Variants in SLIT3 observed in about 807,000 individuals in gnomAD.
The protein encoded by SLIT3 is slit homolog 3 protein.
In SLIT3, 68 loss-of-function variants were observed where a neutral mutation model predicts 184.0. That is an observed-to-expected ratio of 0.37 (90% CI 0.30 to 0.45). The LOEUF is 0.45. SLIT3 is among the 20% of genes least tolerant of loss of function. The pLI is 1.00. For synonymous variants in SLIT3, 831 were observed against 828.6 expected, an observed-to-expected ratio of 1.00 and a Z score of -0.05; for missense variants, 1,707 against 2,026.0, an observed-to-expected ratio of 0.84 and a Z score of 3.02.
At chr5:169,210,129 C>T (rs949775917) in intron 3 of SLIT3, among the ~76,000 whole-genome samples, 3 of 151,966 alleles carry the variant, frequency 2.0e-5, no homozygotes, top group Admixed American at 2.0e-4. Flanking sequence ...TGGGAGAAAT[C>T]GCTATGGCAG....
At chr5:168,804,328 A>G (rs1320027634) in intron 9 of SLIT3, among the ~76,000 whole-genome samples, 2 of 150,722 alleles carry the variant, frequency 1.3e-5, no homozygotes, top group Non-Finnish European at 3.0e-5. Context: ...AAAAAAAAAA[A>G]AAAAAAAAAA....
chr5:169,227,975 C>T (rs1432500318), intron 3 of SLIT3, among the ~76,000 whole-genome samples: 1 of 152,150 alleles, frequency 6.6e-6, no homozygotes, highest in South Asian at 2.1e-4. Context: ...CCAACTTTAT[C>T]TTATTTGATC....
At chr5:168,946,736 C>G (rs914487608) in intron 4 of SLIT3, among the ~76,000 whole-genome samples, 3 of 152,178 alleles carry the variant, frequency 2.0e-5, no homozygotes, top group Non-Finnish European at 2.9e-5. Flanking sequence ...ACGCTCACCC[C>G]CTAGCCCAGC....
intron 5 of SLIT3, among the ~76,000 whole-genome samples, chr5:168,851,277 C>T (rs1187019356): frequency 6.2e-5 from 9 of 144,510 alleles, no homozygotes; most frequent in Non-Finnish European, 1.3e-4. Context: ...GAGCAGAGAT[C>T]GCACAACTGC....
intron 1 of SLIT3, among the ~76,000 whole-genome samples, chr5:169,286,627 C>T (rs1049130004): frequency 8.5e-5 from 13 of 152,188 alleles, no homozygotes; most frequent in Admixed American, 2.6e-4. Flanking sequence ...GTCAGAGGTA[C>T]GGCCAGGTCG....
intron 4 of SLIT3, among the ~76,000 whole-genome samples, chr5:169,051,944 G>A (rs1374639954): frequency 6.6e-6 from 1 of 152,144 alleles, no homozygotes; most frequent in Non-Finnish European, 1.5e-5. Flanking sequence ...TCCATCATCT[G>A]CAACCCAGGT....
At chr5:168,687,386 C>A (rs1761779117) in intron 29 of SLIT3, among the ~76,000 whole-genome samples, 1 of 152,232 alleles carries the variant, frequency 6.6e-6, no homozygotes, top group African/African-American at 2.4e-5. Context: ...CTGCCACTTC[C>A]TACATGAAAC....
chr5:169,251,131 T>C (rs769862359), intron 2 of SLIT3, among the ~76,000 whole-genome samples: 1 of 152,180 alleles, frequency 6.6e-6, no homozygotes, highest in African/African-American at 2.4e-5. Flanking sequence ...GCATGGTGAT[T>C]TATTTGTTCA....
intron 3 of SLIT3, among the ~76,000 whole-genome samples, chr5:169,200,894 C>A (rs999777452): frequency 6.6e-6 from 1 of 152,140 alleles, no homozygotes; most frequent in African/African-American, 2.4e-5. Flanking sequence ...TGGTTTATAC[C>A]AGTGTCATGA....
At chr5:169,190,029 T>A (rs1763498854) in intron 4 of SLIT3, among the ~76,000 whole-genome samples, 1 of 152,210 alleles carries the variant, frequency 6.6e-6, no homozygotes, top group Non-Finnish European at 1.5e-5. Flanking sequence ...CCCTCTTCTG[T>A]CTTCTGATAA....
intron 4 of SLIT3, among the ~76,000 whole-genome samples, chr5:168,967,713 T>G (rs1360592359): frequency 7.1e-6 from 1 of 140,240 alleles, no homozygotes; most frequent in African/African-American, 2.5e-5. Flanking sequence ...GTGCTGGGAT[T>G]ACAGGCGTGA....
intron 12 of SLIT3, among the ~76,000 whole-genome samples, chr5:168,784,868 GACAC>G (rs34317589): frequency 5.3e-5 from 8 of 149,736 alleles, no homozygotes; most frequent in African/African-American, 9.8e-5. Context: ...ATTTTAAAAA[GACAC>G]ACACACACAC....
chr5:169,267,731 C>T (rs1766450674), intron 1 of SLIT3, among the ~76,000 whole-genome samples: 1 of 152,198 alleles, frequency 6.6e-6, no homozygotes, highest in African/African-American at 2.4e-5. Context: ...ATATCGGCAA[C>T]AGGAGTGGGT....
At chr5:169,115,444 G>T (rs555302213) in intron 4 of SLIT3, among the ~76,000 whole-genome samples, 40 of 152,132 alleles carry the variant, frequency 2.6e-4, no homozygotes, top group Non-Finnish European at 5.4e-4. Flanking sequence ...TCCAGCCATT[G>T]TCATATTTAA....
At chr5:169,186,228 G>A (rs556207165) in intron 4 of SLIT3, among the ~76,000 whole-genome samples, 1 of 152,200 alleles carries the variant, frequency 6.6e-6, no homozygotes, top group East Asian at 1.9e-4. Context: ...CCATTAGGGT[G>A]GATCCCTAAT....
intron 3 of SLIT3, among the ~76,000 whole-genome samples, chr5:169,201,106 CA>C (rs1763892969): frequency 6.6e-6 from 1 of 152,186 alleles, no homozygotes; most frequent in African/African-American, 2.4e-5. Context: ...GGCTTAGCTG[CA>C]AGTTGACCTG....
intron 5 of SLIT3, among the ~76,000 whole-genome samples, chr5:168,879,386 G>T (rs1340722716): frequency 2.0e-5 from 3 of 152,194 alleles, no homozygotes; most frequent in African/African-American, 7.2e-5. Context: ...CATAACTGAG[G>T]ACTGGTAGGA....
chr5:169,062,430 A>G (rs1244431702), intron 4 of SLIT3, among the ~76,000 whole-genome samples: 2 of 152,178 alleles, frequency 1.3e-5, no homozygotes, highest in Non-Finnish European at 2.9e-5. Context: ...TAGTGTAGGC[A>G]AGGACTCATC....
chr5:169,290,855 A>T (rs1767341593), intron 1 of SLIT3, among the ~76,000 whole-genome samples: 2 of 151,964 alleles, frequency 1.3e-5, no homozygotes, highest in South Asian at 4.1e-4. Flanking sequence ...GGCACATGCT[A>T]GGGCATACGC....
Sources: allele counts gnomAD v4.1 joint callset (sites outside exome capture counted in the v4.1 genomes callset), GRCh38; gene constraint gnomAD v4.1.1; transcripts MANE v1.5; gene names NCBI Gene and HGNC (gene_info 2026-07-23, HGNC 2026-07-21).